Variants in TLE5 observed in about 807,000 individuals in gnomAD.
TLE5 encodes the protein TLE family member 5, transcriptional modulator.
A neutral mutation model predicts 25.8 loss-of-function variants in TLE5; 7 were observed. The ratio of observed to expected loss-of-function variants is 0.27; its 90% CI spans 0.15 to 0.51. TLE5 has a LOEUF of 0.51. Ranked by LOEUF, TLE5 falls within the 20% of genes least tolerant of loss-of-function variation. TLE5 has a pLI of 0.97. For synonymous variants in TLE5, 132 were observed against 110.5 expected, an observed-to-expected ratio of 1.20 and a Z score of -1.22; for missense variants, 149 against 250.7, an observed-to-expected ratio of 0.59 and a Z score of 2.74.
At chr19:3,059,238 G>A (rs1004954872) in intron 2 of TLE5, among the ~76,000 whole-genome samples, 9 of 152,078 alleles carry the variant, frequency 5.9e-5, no homozygotes, top group Admixed American at 1.3e-4. Context: ...AAAAAAAACC[G>A]GGGCTGGGTG....
intron 5 of TLE5, 41 bp downstream of exon 5, chr19:3,055,623 G>A (rs377705012): frequency 1.2e-5 from 18 of 1,552,224 alleles, no homozygotes; most frequent in Admixed American, 4.0e-5. Flanking sequence ...GGGCAAGTGC[G>A]GGGCCCCCTC....
At position 3,062,106 on chromosome 19, in the gene TLE5, G is replaced by A. The variant is rs1246981209; in HGVS notation, c.27+68C>T. ...TGGGGGTTGGGGGGCGCGGGGCCGG[G>A]AGCCGGGGGTCGGGGGCGTAGGGCC... On this transcript the variant is annotated intron_variant, in intron 1 of 6. Transcript: ENST00000327141. 27 of 830,918 alleles carry A rather than the reference G, an allele frequency of 3.2e-5. No homozygotes were observed. In the South Asian group the frequency reaches 1.4e-3, roughly 43 times the overall value. The allele number at this position is 830,918 out of a possible 1,614,324, so 51.5% of individuals were successfully genotyped here.
intron 1 of TLE5, 91 bp downstream of exon 1, chr19:3,062,083 G>A: frequency 4.6e-6 from 3 of 652,768 alleles, no homozygotes; most frequent in Non-Finnish European, 6.1e-6. Flanking sequence ...ACCGGGCCTG[G>A]GGGTTGGGGG....
At chr19:3,061,742 C>G (rs900381833) in intron 1 of TLE5, among the ~76,000 whole-genome samples, 2 of 151,096 alleles carry the variant, frequency 1.3e-5, no homozygotes, top group Admixed American at 6.6e-5. Flanking sequence ...CGGGGACACG[C>G]TCTTCCGGGA....
intron 2 of TLE5, 33 bp downstream of exon 2, chr19:3,061,127 C>T (rs766228452): frequency 3.3e-6 from 5 of 1,537,604 alleles, no homozygotes; most frequent in East Asian, 2.3e-5. Flanking sequence ...CTCACATTCT[C>T]GGGACGCAGG....
chr19:3,059,675 G>C (rs2090248545), intron 2 of TLE5, among the ~76,000 whole-genome samples: 1 of 152,204 alleles, frequency 6.6e-6, no homozygotes. Context: ...TTGGACAGCA[G>C]GAAGCCCAGG....
At chr19:3,061,590 T>C (rs1423330209) in intron 1 of TLE5, among the ~76,000 whole-genome samples, 1 of 149,512 alleles carries the variant, frequency 6.7e-6, no homozygotes, top group Non-Finnish European at 1.5e-5. Flanking sequence ...CCGAGGGGGG[T>C]AGAAACGCGC....
rs1309679892 is a variant in TLE5, at chr19:3,056,336, G to A, written c.210C>T (p.Gly70=). The change falls in exon 4 of 7, where the codon GGC becomes GGT. Residue 70 remains glycine (G), a synonymous_variant. Coordinates refer to ENST00000327141, the MANE Select transcript of TLE5 (RefSeq NM_001130.6). Reference sequence around the variant, plus strand: ...CCTGTTTGTGCATCTCGATGTTCAAGCCGTAGGACATCTCGTAGTACTGTA... The same window carrying A: ...CCTGTTTGTGCATCTCGATGTTCAAACCGTAGGACATCTCGTAGTACTGTA... ...HYVMYYEMSY[G]LNIEMHKQAE... 11 of 1,408,570 alleles carry A rather than the reference G, an allele frequency of 7.8e-6. No homozygotes were observed. Among genetic ancestry groups the A allele is most frequent in the Non-Finnish European group, 1.0e-5 (11 of 1,060,754 alleles). The allele number at this position is 1,408,570 out of a possible 1,614,324, so 87.3% of individuals were successfully genotyped here.
intron 5 of TLE5, chr19:3,054,788 T>G (rs1160832803): frequency 6.4e-6 from 1 of 155,390 alleles, no homozygotes; most frequent in Non-Finnish European, 1.4e-5. Context: ...TCTCCCTTTT[T>G]GCCTTGGCTA....
At chr19:3,061,867 C>T (rs1448063344) in intron 1 of TLE5, among the ~76,000 whole-genome samples, 3 of 131,500 alleles carry the variant, frequency 2.3e-5, no homozygotes, top group Non-Finnish European at 5.0e-5. Context: ...CGTCCGAGGC[C>T]CTGACTGTCC....
At chr19:3,061,436 G>C (rs1359644298) in intron 1 of TLE5, 179 bp from the exon 2 acceptor site, 1 of 434,880 alleles carries the variant, frequency 2.3e-6, no homozygotes. Context: ...CCTCTCCCGG[G>C]GGAAGCCGAG....
upstream of TLE5, chr19:3,062,806 C>T (rs1406631499): frequency 6.5e-7 from 1 of 1,550,220 alleles, no homozygotes; most frequent in Non-Finnish European, 8.7e-7. Flanking sequence ...ACGCGTGCCA[C>T]GGACGTGCTC....
rs915664989 is a variant in TLE5, at chr19:3,061,349, GC to G, written c.28-93del. On this transcript the variant is annotated intron_variant, in intron 1 of 6. Coordinates refer to ENST00000327141, the MANE Select transcript of TLE5 (RefSeq NM_001130.6). Reference sequence around the variant, plus strand: ...GAGGGAGCGGCCGCGCAGCTGCGGCGCCCCCCCTCCTGCCCCACTTCCTGGG... The same window carrying G: ...GAGGGAGCGGCCGCGCAGCTGCGGCGCCCCCCTCCTGCCCCACTTCCTGGG... 4.9e-5 allele frequency: 46 copies of G among 932,288 alleles called. 1 individual carries two copies. Among genetic ancestry groups the G allele is most frequent in the Non-Finnish European group, 6.5e-5 (38 of 585,798 alleles). 57.8% of individuals were successfully genotyped at this position (932,288 alleles called of 1,614,324 possible). A position where few individuals can be genotyped will look rare whatever the true frequency, so the allele number is the denominator to read the frequency against.
chr19:3,056,326 C>T lies in TLE5; in HGVS notation c.220G>A (p.Glu74Lys). 1.3e-6 allele frequency: 2 copies of T among 1,522,794 alleles called. No individual in the cohort carries two copies. Among genetic ancestry groups the T allele is most frequent in the Non-Finnish European group, 1.8e-6 (2 of 1,135,948 alleles). The allele number at this position is 1,522,794 out of a possible 1,614,324, so 94.3% of individuals were successfully genotyped here. Residue 74 changes from glutamate (E) to lysine (K), a missense_variant, in exon 4 of 7, where the codon GAG becomes AAG. By Grantham distance (56) the Glu-to-Lys change is moderately conservative. Coordinates refer to ENST00000327141, the MANE Select transcript of TLE5 (RefSeq NM_001130.6). ...YYEMSYGLNI[E>K]MHKQAEIVKR... Reference sequence around the variant, plus strand: ...GATGGGCGTACCTGTTTGTGCATCTCGATGTTCAAGCCGTAGGACATCTCG... The same window carrying T: ...GATGGGCGTACCTGTTTGTGCATCTTGATGTTCAAGCCGTAGGACATCTCG...
At chr19:3,054,086 T>TCCGGGGGGGCCCC in intron 6 of TLE5, 34 bp downstream of exon 6, 4 of 1,512,808 alleles carry the variant, frequency 2.6e-6, no homozygotes, top group Non-Finnish European at 2.7e-6. Context: ...GGCCCACCTG[T>TCCGGGGGGGCCCC]CCCCCGCCCA....
At position 3,054,132 on chromosome 19, in the gene TLE5, G is replaced by A; in HGVS notation, c.360C>T (p.Asn120=). 6.5e-7 allele frequency: 1 copy of A among 1,547,652 alleles called. No homozygotes were observed. The highest frequency in any genetic ancestry group is 1.5e-5 in the African/African-American group (1 of 68,676). The part of the protein sequence containing the change: ...RAKQVTAPEL[N]SIIRQQLQAH... ...TCCCCATACATACTCGGATGATAGA[G>A]TTCAGCTCGGGAGCGGTGACCTGCT... The change falls in exon 6 of 7, where the codon AAC becomes AAT. Residue 120 remains asparagine, a synonymous_variant. Coordinates refer to ENST00000327141, the MANE Select transcript of TLE5 (RefSeq NM_001130.6).
Position 3,053,889 on chromosome 19 carries a change from A to G in TLE5, c.524T>C (p.Leu175Pro). ...SLSALGSQAH[L>P]SKEDKNGHDG... ...GTGCCCGTTCTTGTCTTCCTTGGAG[A>G]GGTGGGCCTGGGAACCCAGCGCGGA... is the stretch of plus-strand genomic sequence containing the variant. Residue 175 changes from leucine (L) to proline (P), a missense_variant, in exon 7 of 7, where the codon CTC becomes CCC. Physicochemically the swap from Leu to Pro is moderately conservative, Grantham distance 98. Coordinates refer to ENST00000327141, the MANE Select transcript of TLE5 (RefSeq NM_001130.6). The G allele has an allele frequency of 6.2e-7, 1 of 1,612,726 alleles. No individual in the cohort carries two copies.
chr19:3,054,293 G>C (rs1441293016), intron 5 of TLE5, 99 bp from the exon 6 acceptor site: 1 of 1,176,670 alleles, frequency 8.5e-7, no homozygotes, highest in Non-Finnish European at 1.2e-6. Context: ...CCACTACCAA[G>C]TGGGCCATCA....
intron 3 of TLE5, 198 bp downstream of exon 3, chr19:3,057,481 C>T: frequency 1.7e-6 from 1 of 588,508 alleles, no homozygotes; most frequent in South Asian, 2.0e-5. Context: ...GGCACCTCGG[C>T]CACTGCCTCG....
Sources: allele counts gnomAD v4.1 joint callset (sites outside exome capture counted in the v4.1 genomes callset), GRCh38; gene constraint gnomAD v4.1.1; transcripts MANE v1.5; gene names NCBI Gene and HGNC (gene_info 2026-07-23, HGNC 2026-07-21).